DOCK1: variants seen among roughly 807,000 people sequenced by gnomAD.
DOCK1 encodes dedicator of cytokinesis protein 1.
Under a neutral mutation model 262.7 loss-of-function variants are expected in DOCK1, and 138 were observed. The observed-to-expected ratio is 0.53, with a 90% CI of 0.46 to 0.61. The LOEUF (loss-of-function observed/expected upper bound fraction) is 0.61. Among genes scored for constraint, DOCK1 ranks in the 20% least tolerant of loss-of-function variants. The pLI is 0.00. For synonymous variants in DOCK1, 866 were observed against 867.4 expected, an observed-to-expected ratio of 1.00 and a Z score of 0.03; for missense variants, 1,908 against 2,370.7, an observed-to-expected ratio of 0.80 and a Z score of 4.05.
intron 27 of DOCK1, among the ~76,000 whole-genome samples, chr10:127,195,508 C>T (rs1056510189): frequency 3.8e-4 from 58 of 151,922 alleles, no homozygotes; most frequent in African/African-American, 1.3e-3. Flanking sequence ...GTCAGGGCCC[C>T]TCTGTTCCAA....
At chr10:126,918,987 G>GCAC (rs2032884278) in intron 1 of DOCK1, among the ~76,000 whole-genome samples, 1 of 105,972 alleles carries the variant, frequency 9.4e-6, no homozygotes, top group Non-Finnish European at 2.1e-5. Flanking sequence ...AGCCGAGAGG[G>GCAC]AGTGTGGGGG....
chr10:127,166,937 G>T (rs1177488017), intron 27 of DOCK1, among the ~76,000 whole-genome samples: 2 of 151,094 alleles, frequency 1.3e-5, no homozygotes, highest in Non-Finnish European at 2.9e-5. Flanking sequence ...AGGCTGAGGA[G>T]GTATTTGAAA....
chr10:127,315,652 G>A (rs1220771303), intron 29 of DOCK1, among the ~76,000 whole-genome samples: 6 of 152,158 alleles, frequency 3.9e-5, no homozygotes, highest in Non-Finnish European at 4.4e-5. Flanking sequence ...ACCAATCTTT[G>A]TTATGAGAGC....
intron 28 of DOCK1, among the ~76,000 whole-genome samples, chr10:127,251,369 C>A (rs2059634526): frequency 6.6e-6 from 1 of 151,496 alleles, no homozygotes; most frequent in African/African-American, 2.4e-5. Flanking sequence ...AAAACACTTT[C>A]CATTTTTTTT....
At chr10:127,226,698 C>T (rs113233127) in intron 27 of DOCK1, among the ~76,000 whole-genome samples, 6 of 152,084 alleles carry the variant, frequency 3.9e-5, no homozygotes, top group Middle Eastern at 3.2e-3. Flanking sequence ...GAGCCAAGAT[C>T]GTGCTACTGC....
intron 21 of DOCK1, among the ~76,000 whole-genome samples, chr10:127,043,545 G>A (rs1347890840): frequency 6.6e-6 from 1 of 152,206 alleles, no homozygotes; most frequent in African/African-American, 2.4e-5. Flanking sequence ...GTTGTTTAGT[G>A]TGAATTAGAT....
At chr10:127,335,854 A>G (rs974385110) in intron 29 of DOCK1, among the ~76,000 whole-genome samples, 39 of 151,830 alleles carry the variant, frequency 2.6e-4, no homozygotes, top group African/African-American at 8.7e-4. Flanking sequence ...AGCTGGGACT[A>G]CGGGCACCTA....
intron 15 of DOCK1, 175 bp downstream of exon 15, chr10:127,024,958 C>CATTT: frequency 1.9e-6 from 1 of 516,714 alleles, no homozygotes; most frequent in Non-Finnish European, 3.4e-6. Context: ...TCTTAGAATA[C>CATTT]ATTTACTCTC....
intron 23 of DOCK1, among the ~76,000 whole-genome samples, chr10:127,070,936 G>C (rs951989289): frequency 4.6e-5 from 7 of 151,974 alleles, no homozygotes; most frequent in African/African-American, 1.5e-4. Flanking sequence ...TAGGGCACCT[G>C]GTCTCAGTTC....
At chr10:126,960,745 T>TATATATATATATATATATATATATAAAC in intron 1 of DOCK1, among the ~76,000 whole-genome samples, 1 of 115,530 alleles carries the variant, frequency 8.7e-6, no homozygotes, top group Admixed American at 8.1e-5. Context: ...TATATATATA[T>TATATATATATATATATATATATATAAAC]ACACACACAC....
Position 127,140,511 on chromosome 10 carries a change from C to T in DOCK1, c.2847+12747C>T, listed in dbSNP as rs115515095. 9.7e-4 allele frequency among the ~76,000 whole-genome samples: 147 copies of T among 152,262 alleles called. 1 individual carries two copies. Among genetic ancestry groups the T allele is most frequent in the African/African-American group, 3.2e-3 (133 of 41,530 alleles). On this transcript the variant is annotated intron_variant, in intron 27 of 51. Transcript: ENST00000623213. ...GTGGATCTGCGTGTGGGATGACGCC[C>T]GTGCACCAGCCAGGCAACGTGTGCA...
chr10:127,033,559 A>T (rs2043387980), intron 18 of DOCK1, among the ~76,000 whole-genome samples: 1 of 152,152 alleles, frequency 6.6e-6, no homozygotes, highest in African/African-American at 2.4e-5. Flanking sequence ...GAGCTTGAAA[A>T]TCCAATTTTT....
intron 48 of DOCK1, among the ~76,000 whole-genome samples, chr10:127,433,679 A>C (rs1381463744): frequency 6.6e-6 from 1 of 151,800 alleles, no homozygotes; most frequent in Non-Finnish European, 1.5e-5. Flanking sequence ...CCAATTTAGA[A>C]CCTCCAGTGA....
intron 38 of DOCK1, among the ~76,000 whole-genome samples, chr10:127,386,078 T>A (rs1368936629): frequency 6.6e-6 from 1 of 152,208 alleles, no homozygotes; most frequent in Non-Finnish European, 1.5e-5. Context: ...CCCCTTTTTG[T>A]GGCTGTTGAC....
At chr10:126,925,006 T>C (rs563328135) in intron 1 of DOCK1, among the ~76,000 whole-genome samples, 1 of 152,376 alleles carries the variant, frequency 6.6e-6, no homozygotes, top group East Asian at 1.9e-4. Flanking sequence ...TTGCAGATTC[T>C]TTTTAAATGT....
At chr10:127,065,383 T>G (rs1011017662) in intron 23 of DOCK1, among the ~76,000 whole-genome samples, 1 of 152,178 alleles carries the variant, frequency 6.6e-6, no homozygotes, top group African/African-American at 2.4e-5. Context: ...AGAATCTTCT[T>G]CCTTTTTAAG....
chr10:126,972,019 C>G (rs527628388), intron 2 of DOCK1, among the ~76,000 whole-genome samples: 2 of 151,800 alleles, frequency 1.3e-5, no homozygotes, highest in African/African-American at 4.8e-5. Context: ...CAGGTTCAAG[C>G]GATTCTCCTG....
intron 29 of DOCK1, chr10:127,257,855 A>G (rs2059882491): frequency 6.5e-6 from 1 of 154,482 alleles, no homozygotes; most frequent in South Asian, 2.0e-4. Context: ...TTTTCTTCAT[A>G]CTCATTAAAT....
intron 1 of DOCK1, among the ~76,000 whole-genome samples, chr10:126,937,479 C>T (rs2034630137): frequency 6.6e-6 from 1 of 150,404 alleles, no homozygotes; most frequent in Non-Finnish European, 1.5e-5. Flanking sequence ...TGAGTTTCTC[C>T]ACACTTGTTT....
Sources: allele counts gnomAD v4.1 joint callset (sites outside exome capture counted in the v4.1 genomes callset), GRCh38; gene constraint gnomAD v4.1.1; transcripts MANE v1.5; gene names NCBI Gene and HGNC (gene_info 2026-07-23, HGNC 2026-07-21).